Variants in FAM135B observed in about 807,000 individuals in gnomAD.
FAM135B encodes the protein protein FAM135B.
FAM135B carries 43 observed loss-of-function variants against 127.7 expected under a neutral mutation model. The ratio of observed to expected loss-of-function variants is 0.34; its 90% CI spans 0.26 to 0.43. The LOEUF is 0.43. Ranked by LOEUF, FAM135B falls within the 20% of genes least tolerant of loss-of-function variation. The pLI, the probability that FAM135B is intolerant of heterozygous loss-of-function variation, is 1.00. For synonymous variants in FAM135B, 670 were observed against 665.1 expected (o/e 1.01, Z -0.11); for missense variants, 1,558 against 1,725.6 (o/e 0.90, Z 1.72).
At chr8:138,266,854 C>T (rs1293890056) in intron 3 of FAM135B, among the ~76,000 whole-genome samples, 1 of 151,694 alleles carries the variant, frequency 6.6e-6, no homozygotes, top group Non-Finnish European at 1.5e-5. Flanking sequence ...GTAAATAATA[C>T]TAATATTTGT....
At chr8:138,482,174 G>A (rs1814807029) in intron 1 of FAM135B, among the ~76,000 whole-genome samples, 1 of 152,230 alleles carries the variant, frequency 6.6e-6, no homozygotes, top group East Asian at 1.9e-4. Flanking sequence ...CATGAGTGTA[G>A]GCCGTGCAGG....
chr8:138,133,343 C>T (rs1816353414), intron 19 of FAM135B, among the ~76,000 whole-genome samples: 2 of 152,152 alleles, frequency 1.3e-5, no homozygotes, highest in South Asian at 4.1e-4. Flanking sequence ...ACTGTTTCCA[C>T]CTGAAAGTGA....
chr8:138,367,241 C>T (rs1830795378), intron 2 of FAM135B: 1 of 343,498 alleles, frequency 2.9e-6, no homozygotes, highest in Non-Finnish European at 5.7e-6. Context: ...GTGTCAGTAA[C>T]ATGTCAAAAG....
chr8:138,337,878 C>T (rs1340477457), intron 2 of FAM135B, among the ~76,000 whole-genome samples: 1 of 152,130 alleles, frequency 6.6e-6, no homozygotes, highest in Non-Finnish European at 1.5e-5. Context: ...GCTACAGTAA[C>T]CAAAACAGCA....
chr8:138,351,298 AG>A (rs146846271), intron 2 of FAM135B, among the ~76,000 whole-genome samples: 2,741 of 152,256 alleles, frequency 0.018, 108 homozygotes, highest in East Asian at 0.17. Context: ...CAAGGCCATT[AG>A]GGTGGTCCCT....
At chr8:138,276,316 C>T (rs1823818545) in intron 3 of FAM135B, among the ~76,000 whole-genome samples, 1 of 152,198 alleles carries the variant, frequency 6.6e-6, no homozygotes, top group African/African-American at 2.4e-5. Flanking sequence ...GTCAGAGCTG[C>T]AGTGTCCCCA....
intron 7 of FAM135B, among the ~76,000 whole-genome samples, chr8:138,203,543 G>C (rs1278605344): frequency 6.6e-6 from 1 of 152,076 alleles, no homozygotes; most frequent in Non-Finnish European, 1.5e-5. Context: ...CCTTCCACCT[G>C]CCGCTCCTGT....
chr8:138,237,286 G>A (rs1024064603), intron 7 of FAM135B, among the ~76,000 whole-genome samples: 3 of 151,306 alleles, frequency 2.0e-5, no homozygotes, highest in Non-Finnish European at 4.4e-5. Context: ...TCAGCCTCCT[G>A]AGTAGCTGGG....
intron 2 of FAM135B, among the ~76,000 whole-genome samples, chr8:138,339,460 T>C (rs1297877505): frequency 1.3e-5 from 2 of 151,842 alleles, no homozygotes; most frequent in African/African-American, 4.9e-5. Context: ...TTCTCCTCTC[T>C]TCTTCCCTGA....
Position 138,251,040 on chromosome 8 carries a change from G to A in FAM135B, c.369-26C>T, listed in dbSNP as rs148097478. ...CTAGAAGGCAAGCATGTGAGCTCAC[G>A]TGAGAAATGGTGGGTTGCCCCTGCT... On this transcript the variant is annotated intron_variant, in intron 5 of 19. Coordinates refer to ENST00000395297, the MANE Select transcript of FAM135B (RefSeq NM_015912.4). The A allele has an allele frequency of 1.3e-3, 2,108 of 1,611,832 alleles. 29 individuals are homozygous for A. The highest frequency in any genetic ancestry group is 2.1e-3 in the Middle Eastern group (12 of 5,842).
intron 2 of FAM135B, among the ~76,000 whole-genome samples, chr8:138,352,002 T>C (rs548591400): frequency 2.0e-5 from 3 of 152,270 alleles, no homozygotes; most frequent in Admixed American, 2.0e-4. Context: ...ATTATTTTTT[T>C]ATTAACTAAG....
intron 1 of FAM135B, among the ~76,000 whole-genome samples, chr8:138,412,150 C>G (rs1480469851): frequency 1.3e-5 from 2 of 152,120 alleles, no homozygotes; most frequent in African/African-American, 4.8e-5. Flanking sequence ...TCATTTGTAT[C>G]CCCAGCCTCA....
At chr8:138,336,966 T>C (rs1169532642) in intron 2 of FAM135B, among the ~76,000 whole-genome samples, 2 of 152,198 alleles carry the variant, frequency 1.3e-5, no homozygotes, top group Admixed American at 6.5e-5. Context: ...GGCAAATCAA[T>C]AAACGTAATC....
intron 2 of FAM135B, chr8:138,367,412 TC>T (rs777402005): frequency 4.4e-6 from 2 of 456,440 alleles, no homozygotes; most frequent in Non-Finnish European, 4.4e-6. Context: ...GACTGCATCC[TC>T]AAAAAGATGA....
intron 3 of FAM135B, among the ~76,000 whole-genome samples, chr8:138,285,065 G>A (rs556208105): frequency 1.5e-3 from 219 of 146,154 alleles, no homozygotes; most frequent in Non-Finnish European, 2.4e-3. Flanking sequence ...AAAATATAGA[G>A]AAGTCAAAGT....
At chr8:138,397,511 CAGTT>C (rs1832916774) in intron 1 of FAM135B, among the ~76,000 whole-genome samples, 2 of 152,182 alleles carry the variant, frequency 1.3e-5, no homozygotes, top group African/African-American at 4.8e-5. Context: ...AATTTCTTCT[CAGTT>C]AAATTTCATC....
At chr8:138,196,405 C>T (rs1397189186) in intron 8 of FAM135B, among the ~76,000 whole-genome samples, 1 of 152,164 alleles carries the variant, frequency 6.6e-6, no homozygotes, top group African/African-American at 2.4e-5. Flanking sequence ...AGTAAGAAGG[C>T]TCCAGATTCA....
intron 1 of FAM135B, among the ~76,000 whole-genome samples, chr8:138,448,955 G>A (rs1836342368): frequency 6.6e-6 from 1 of 152,026 alleles, no homozygotes; most frequent in South Asian, 2.1e-4. Flanking sequence ...ATCTTTGTTT[G>A]GGAGATCTTT....
chr8:138,489,812 C>T (rs554435831), intron 1 of FAM135B, among the ~76,000 whole-genome samples: 2 of 152,234 alleles, frequency 1.3e-5, no homozygotes, highest in African/African-American at 2.4e-5. Flanking sequence ...TGAAACAGCT[C>T]CCCCGACTCC....
Sources: gnomAD v4.1 joint callset for allele counts (sites outside exome capture counted in the v4.1 genomes callset) on GRCh38, gnomAD v4.1.1 for gene constraint, MANE v1.5 for transcripts, NCBI Gene and HGNC (gene_info 2026-07-23, HGNC 2026-07-21) for gene names.